NOTCH3: variants seen among roughly 807,000 people sequenced by gnomAD.
NOTCH3 encodes the protein neurogenic locus notch homolog protein 3.
NOTCH3 carries 86 observed loss-of-function variants against 213.3 expected under a neutral mutation model. That is an observed-to-expected ratio of 0.40 (90% confidence interval 0.34 to 0.48). NOTCH3 has a LOEUF of 0.48. Ranked by LOEUF, NOTCH3 falls within the 20% of genes least tolerant of loss-of-function variation. NOTCH3 has a pLI of 0.57. For missense variants in NOTCH3, 2,783 were observed against 3,272.6 expected (o/e 0.85, Z 3.65); for synonymous variants, 1,354 against 1,355.9 (o/e 1.00, Z 0.03).
rs1184303678 is a variant in NOTCH3, at chr19:15,177,824, G to A, written c.4104C>T (p.Thr1368=). Residue 1368 remains threonine, a synonymous_variant, in exon 24 of 33, where the codon ACC becomes ACT. Coordinates refer to ENST00000263388, the MANE Select transcript of NOTCH3 (RefSeq NM_000435.3). ...FFRCACAQGW[T]GPRCEAPAAA... ...CGGCGGGCGCCTCGCAGCGCGGCCCGGTCCAGCCCTGCGCGCAAGCGCAGC... is the reference window on the plus strand; with the variant it reads ...CGGCGGGCGCCTCGCAGCGCGGCCCAGTCCAGCCCTGCGCGCAAGCGCAGC... The A allele has an allele frequency of 3.3e-6, 4 of 1,216,932 alleles. No individual in the cohort carries two copies. Among genetic ancestry groups the A allele is most frequent in the South Asian group, 3.9e-5 (1 of 25,502 alleles). The allele number at this position is 1,216,932 out of a possible 1,614,324, so 75.4% of individuals were successfully genotyped here.
intron 1 of NOTCH3, 127 bp from the exon 2 acceptor site, chr19:15,197,705 C>T: frequency 1.5e-6 from 1 of 648,220 alleles, no homozygotes; most frequent in Non-Finnish European, 2.5e-6. Context: ...TCTGCGGGTG[C>T]AGGGAGTCCC....
At position 15,184,955 on chromosome 19, in the gene NOTCH3, C is replaced by G; in HGVS notation, c.2361G>C (p.Glu787Asp). The change falls in exon 15 of 33, where the codon GAG (glutamate) becomes GAC (aspartate). Residue 787 changes from glutamate to aspartate, a missense_variant. Around this residue, in one of 6 missense-constraint regions of NOTCH3, gnomAD observed 861 missense variants for 909.1 expected, o/e 0.95. Coordinates refer to ENST00000263388, the MANE Select transcript of NOTCH3 (RefSeq NM_000435.3). ...AGACAGGCAGCTGGCCAGGGGCAGA[C>G]TCGCAGCGGCCCCCATGCTCACAGG... ...PNPCEHGGRC[E>D]SAPGQLPVCS... The G allele has an allele frequency of 6.5e-7, 1 of 1,549,164 alleles. No homozygotes were observed.
Position 15,165,934 on chromosome 19 carries a change from C to A in NOTCH3, c.5520G>T (p.Glu1840Asp). ...AACGGGCAGCCAGGTGCAAAGCAGT[C>A]TCGCCAGTACGGTCAGTCCGTGCCC... The part of the protein sequence containing the change: ...QLGARTDRTG[E>D]TALHLAARYA... Residue 1840 changes from glutamate (E) to aspartate (D), a missense_variant, in exon 30 of 33, where the codon GAG becomes GAT. This residue lies in a region of NOTCH3 where 636 missense variants were observed against 801.8 expected (regional missense o/e 0.79). Transcript: ENST00000263388. The surrounding 1 kb of genome is among the most constrained non-coding windows in gnomAD (Gnocchi z 4.7). 1 of 1,614,178 alleles carries A rather than the reference C, an allele frequency of 6.2e-7. No individual in the cohort carries two copies. The highest frequency in any genetic ancestry group is 8.5e-7 in the Non-Finnish European group (1 of 1,180,032).
chr19:15,185,767 C>G lies in NOTCH3; in HGVS notation c.1952-88G>C, dbSNP rs1046852969. ...GACGTGACCCCACTTAGCACACCCA[C>G]ACCCCCGAGCAATGACCTCTTTTTC... is the stretch of plus-strand genomic sequence containing the variant. On this transcript the variant is annotated intron_variant, in intron 12 of 32. Coordinates refer to ENST00000263388, the MANE Select transcript of NOTCH3 (RefSeq NM_000435.3). The surrounding 1 kb of genome is among the most constrained non-coding windows in gnomAD (Gnocchi z 4.2). The G allele has an allele frequency of 2.0e-5, 25 of 1,268,952 alleles. No homozygotes were observed. Among genetic ancestry groups the G allele is most frequent in the South Asian group, 8.5e-5 (7 of 82,380 alleles). 78.6% of individuals were successfully genotyped at this position (1,268,952 alleles called of 1,614,324 possible). A position where few individuals can be genotyped will look rare whatever the true frequency, so the allele number is the denominator to read the frequency against.
chr19:15,174,593 A>G (rs1436237413), intron 24 of NOTCH3, among the ~76,000 whole-genome samples, 193 bp from the exon 25 acceptor site: 1 of 148,884 alleles, frequency 6.7e-6, no homozygotes, highest in African/African-American at 2.5e-5. Flanking sequence ...TTTTTTTGAG[A>G]CGGAGTCTTG....
chr19:15,186,815 CA>C (rs1786846825), intron 12 of NOTCH3, 62 bp downstream of exon 12: 2 of 1,338,222 alleles, frequency 1.5e-6, no homozygotes, highest in Admixed American at 1.7e-5. Flanking sequence ...AAAACAGGCC[CA>C]CAGAGACGAG....
At position 15,160,739 on chromosome 19, in the gene NOTCH3, G is replaced by C; in HGVS notation, c.6889C>G (p.Pro2297Ala). The change falls in exon 33 of 33, where the codon CCC (proline) becomes GCC (alanine). Residue 2297 changes from proline (P) to alanine (A), a missense_variant. Pro to Ala is a conservative substitution (Grantham distance 27). Coordinates refer to ENST00000263388, the MANE Select transcript of NOTCH3 (RefSeq NM_000435.3). Reference sequence around the variant, plus strand: ...GTCTGGGCCTGAGCAAGGGAGCTGGGAACAGACAAGGGAAGTGGCTGGGCA... The same window carrying C: ...GTCTGGGCCTGAGCAAGGGAGCTGGCAACAGACAAGGGAAGTGGCTGGGCA... ...LPAQPLPLSVPSSLAQAQTQL... is the reference protein window; with the variant it reads ...LPAQPLPLSVASSLAQAQTQL... The C allele has an allele frequency of 1.2e-6, 2 of 1,614,220 alleles. No individual in the cohort carries two copies. Among genetic ancestry groups the C allele is most frequent in the Admixed American group, 1.7e-5 (1 of 60,022 alleles).
chr19:15,180,204 G>A lies in NOTCH3; in HGVS notation c.3195C>T (p.Asp1065=). ...CQAGGQCVDE[D]SSHYCVCPEG... ...CTGGGCACACGCAGTAGTGGGAGCT[G>A]TCTTCATCCACACACTGCCCACCCG... is the stretch of plus-strand genomic sequence containing the variant. The change falls in exon 20 of 33, where the codon GAC becomes GAT. Residue 1065 remains aspartate (D), a synonymous_variant. Transcript: ENST00000263388. The A allele has an allele frequency of 6.2e-7, 1 of 1,613,886 alleles. No homozygotes were observed. The highest frequency in any genetic ancestry group is 8.5e-7 in the Non-Finnish European group (1 of 1,179,994).
intron 1 of NOTCH3, among the ~76,000 whole-genome samples, chr19:15,200,427 C>G (rs2047003357): frequency 6.6e-6 from 1 of 151,864 alleles, no homozygotes; most frequent in Admixed American, 6.6e-5. Context: ...AGTACCTGGG[C>G]CCCCAATCAT....
chr19:15,161,290 C>A lies in NOTCH3; in HGVS notation c.6338G>T (p.Gly2113Val). 6.5e-7 allele frequency: 1 copy of A among 1,536,038 alleles called. No individual in the cohort carries two copies. The highest frequency in any genetic ancestry group is 2.3e-5 in the East Asian group (1 of 42,938). Residue 2113 changes from glycine to valine, a missense_variant, in exon 33 of 33, where the codon GGG becomes GTG. Gly to Val is a moderately radical substitution (Grantham distance 109). This residue lies in a region of NOTCH3 where 441 missense variants were observed against 432.1 expected (regional missense o/e 1.02). Transcript: ENST00000263388. The part of the protein sequence containing the change: ...DSLDSPRPFG[G>V]PPASPGGFPL... ...GAAGCCACCAGGGGAAGCAGGGGGC[C>A]CACCGAAAGGCCGCGGGGAGTCCAG...
At chr19:15,187,474 C>A in intron 10 of NOTCH3, 136 bp from the exon 11 acceptor site, 1 of 602,158 alleles carries the variant, frequency 1.7e-6, no homozygotes, top group Non-Finnish European at 2.8e-6. Context: ...AATACAGGCC[C>A]CACCCCCCAC....
At chr19:15,167,448 C>T (rs756839158) in intron 28 of NOTCH3, 37 bp from the exon 29 acceptor site, 1 of 1,596,990 alleles carries the variant, frequency 6.3e-7, no homozygotes, top group Non-Finnish European at 8.5e-7. Context: ...AGATCTCACC[C>T]TTTGGTGCTG....
At chr19:15,163,172 T>C (rs2046659839) in intron 31 of NOTCH3, among the ~76,000 whole-genome samples, 1 of 152,244 alleles carries the variant, frequency 6.6e-6, no homozygotes, top group Non-Finnish European at 1.5e-5. Context: ...CCCAAAGTGT[T>C]GGGATTACAG....
intron 31 of NOTCH3, among the ~76,000 whole-genome samples, chr19:15,164,215 A>T (rs1402484550): frequency 1.1e-4 from 12 of 105,266 alleles, no homozygotes; most frequent in Non-Finnish European, 5.8e-5. Context: ...TTATATCTCA[A>T]TAAAGCAGTT....
At chr19:15,162,110 C>A (rs1386015494) in intron 32 of NOTCH3, among the ~76,000 whole-genome samples, 1 of 150,372 alleles carries the variant, frequency 6.7e-6, no homozygotes, top group Non-Finnish European at 1.5e-5. Flanking sequence ...GCCTCCCGAG[C>A]AGCTGGGACT....
rs1233495919 is a variant in NOTCH3 at position 15,162,192 on chromosome 19, G to A, written c.5913+273C>T. The A allele has an allele frequency of 1.3e-5, 6 of 479,110 alleles. No homozygotes were observed. The East Asian group carries it at 2.0e-4, about 16-fold the overall frequency. 29.7% of individuals were successfully genotyped at this position (479,110 alleles called of 1,614,324 possible). A position where few individuals can be genotyped will look rare whatever the true frequency, so the allele number is the denominator to read the frequency against. ...AGACAGGGTTTTACTACGTTGGCCA[G>A]GCTGGTCTCAAACTCCTGAACTCAA... is the stretch of plus-strand genomic sequence containing the variant. On this transcript the variant is annotated intron_variant, in intron 32 of 32. Coordinates refer to ENST00000263388, the MANE Select transcript of NOTCH3 (RefSeq NM_000435.3).
At chr19:15,168,760 G>T (rs985684922) in intron 28 of NOTCH3, among the ~76,000 whole-genome samples, 4 of 152,074 alleles carry the variant, frequency 2.6e-5, no homozygotes, top group African/African-American at 9.7e-5. Flanking sequence ...CTTGAACCTG[G>T]GAGGTGGAGG....
At chr19:15,175,375 A>G (rs1049791872) in intron 24 of NOTCH3, among the ~76,000 whole-genome samples, 2 of 148,138 alleles carry the variant, frequency 1.4e-5, no homozygotes, top group Non-Finnish European at 3.0e-5. Flanking sequence ...CTCTACTAAA[A>G]ATACAAAAAT....
chr19:15,181,000 G>C lies in NOTCH3; in HGVS notation c.2955C>G (p.Arg985=), dbSNP rs764424964. ...GVCSAAHPGF[R]CTCLESFTGP... is the part of the protein sequence containing the mutation. ...CCGTGAAGCTCTCGAGGCAGGTGCA[G>C]CGGAAGCCAGGGTGGGCGGCGCTGC... The change falls in exon 18 of 33, where the codon CGC becomes CGG. Residue 985 remains arginine, a synonymous_variant. Transcript: ENST00000263388. 1 of 1,597,880 alleles carries C rather than the reference G, an allele frequency of 6.3e-7. No homozygotes were observed. The highest frequency in any genetic ancestry group is 2.3e-5 in the East Asian group (1 of 44,022).
Sources: allele counts gnomAD v4.1 joint callset (sites outside exome capture counted in the v4.1 genomes callset), GRCh38; gene constraint gnomAD v4.1.1; regional missense constraint gnomAD v4.1.1; non-coding constraint Gnocchi (gnomAD v3.1); transcripts MANE v1.5; gene names NCBI Gene and HGNC (gene_info 2026-07-23, HGNC 2026-07-21).